WDR4: variants seen among roughly 807,000 people sequenced by gnomAD.
WDR4 encodes the protein WDR4 tRNA N7-guanosine methyltransferase non-catalytic subunit.
A neutral mutation model predicts 48.6 loss-of-function variants in WDR4; 47 were observed. The ratio of observed to expected loss-of-function variants is 0.97; its 90% confidence interval spans 0.77 to 1.23. The LOEUF (loss-of-function observed/expected upper bound fraction) is 1.23, where lower values mean the gene tolerates loss of function less well. Ranked by LOEUF, WDR4 falls within the 50% of genes most tolerant of loss-of-function variation. The pLI, the probability that WDR4 is intolerant of heterozygous loss-of-function variation, is 0.00. For missense variants in WDR4, 606 were observed against 551.6 expected (o/e 1.10, Z -0.99); for synonymous variants, 268 against 230.0 (o/e 1.17, Z -1.49).
At chr21:42,843,631 T>C (rs2057685525) in intron 11 of WDR4, among the ~76,000 whole-genome samples, 1 of 151,922 alleles carries the variant, frequency 6.6e-6, no homozygotes, top group Admixed American at 6.6e-5. Context: ...TGGAGTACAG[T>C]GGCGCGATCT....
At chr21:42,864,032 G>A (rs7280082) in intron 3 of WDR4, among the ~76,000 whole-genome samples, 8,802 of 60,222 alleles carry the variant, frequency 0.15, 2,293 homozygotes, top group African/African-American at 0.3. Context: ...GCGTGAACCC[G>A]GGAGGCGGAG....
At chr21:42,876,287 C>G (rs538585655) in intron 2 of WDR4, among the ~76,000 whole-genome samples, 7 of 146,558 alleles carry the variant, frequency 4.8e-5, no homozygotes, top group Non-Finnish European at 1.0e-4. Flanking sequence ...AATCTCAGCT[C>G]TCTGCAACCT....
chr21:42,859,923 CG>C (rs2058077967), intron 5 of WDR4, among the ~76,000 whole-genome samples: 1 of 152,110 alleles, frequency 6.6e-6, no homozygotes, highest in African/African-American at 2.4e-5. Context: ...TGGACGCAGT[CG>C]GGGAGGTGAG....
chr21:42,868,755 G>T (rs529925050), intron 3 of WDR4, among the ~76,000 whole-genome samples: 2 of 152,240 alleles, frequency 1.3e-5, no homozygotes, highest in Non-Finnish European at 2.9e-5. Flanking sequence ...CACCCCCACA[G>T]CATGTGATCA....
downstream of WDR4, among the ~76,000 whole-genome samples, chr21:42,844,849 C>T (rs1050957938): frequency 2.6e-5 from 4 of 152,190 alleles, no homozygotes; most frequent in Non-Finnish European, 1.5e-5. Flanking sequence ...CACTGAGAGC[C>T]CCCGCCCCCA....
chr21:42,851,837 C>T (rs76269659), intron 10 of WDR4, among the ~76,000 whole-genome samples: 1 of 152,142 alleles, frequency 6.6e-6, no homozygotes, highest in African/African-American at 2.4e-5. Context: ...TCTGGCTAGA[C>T]CCCCACTAAA....
intron 3 of WDR4, among the ~76,000 whole-genome samples, chr21:42,870,513 C>T (rs1388409319): frequency 2.0e-5 from 3 of 152,136 alleles, no homozygotes; most frequent in South Asian, 2.1e-4. Flanking sequence ...CCAGGCCAGG[C>T]GCAGTGGCTC....
At chr21:42,874,768 TGATAA>T (rs888285848) in intron 2 of WDR4, among the ~76,000 whole-genome samples, 15 of 152,286 alleles carry the variant, frequency 9.8e-5, no homozygotes, top group African/African-American at 3.4e-4. Flanking sequence ...CCCTGTCTCC[TGATAA>T]GATGTTATCA....
chr21:42,863,579 C>T lies in WDR4; in HGVS notation c.314G>A (p.Cys105Tyr). The T allele has an allele frequency of 6.2e-7, 1 of 1,613,824 alleles. No homozygotes were observed. Among genetic ancestry groups the T allele is most frequent in the Non-Finnish European group, 8.5e-7 (1 of 1,179,890 alleles). ...CLSVRTVARR[C>Y]TALTFIASEE... is the part of the protein sequence containing the mutation. ...CGAGGCTATGAAAGTCAGGGCTGTA[C>T]ACCTCCTTGCCACGGTCCTAGAAGG... The change falls in exon 4 of 11, where the codon TGT becomes TAT. Residue 105 changes from cysteine to tyrosine, a missense_variant. Physicochemically the swap from Cys to Tyr is radical, Grantham distance 194. Coordinates refer to ENST00000398208, the MANE Select transcript of WDR4 (RefSeq NM_018669.6).
chr21:42,849,984 A>C lies in WDR4; in HGVS notation c.*65T>G, dbSNP rs2057776606. The C allele has an allele frequency of 6.3e-7, 1 of 1,590,914 alleles. No individual in the cohort carries two copies. The highest frequency in any genetic ancestry group is 1.4e-5 in the African/African-American group (1 of 73,514). On this transcript the variant is annotated 3_prime_UTR_variant, in exon 11 of 11. Coordinates refer to ENST00000398208, the MANE Select transcript of WDR4 (RefSeq NM_018669.6). ...TTCCTTCTTGAAGGGACATGCCAGG[A>C]TGCAGGGGAACAAGTTAAAAAGCTT...
upstream of WDR4, among the ~76,000 whole-genome samples, chr21:42,882,218 C>T (rs552776929): frequency 1.0e-4 from 15 of 147,074 alleles, no homozygotes; most frequent in South Asian, 3.4e-3. Context: ...TTTTATAAAT[C>T]ATTGATTACA....
chr21:42,869,449 T>G (rs1292736418), intron 3 of WDR4, among the ~76,000 whole-genome samples: 3 of 152,080 alleles, frequency 2.0e-5, no homozygotes, highest in Non-Finnish European at 4.4e-5. Flanking sequence ...GCTTTGAAGT[T>G]TTGTCAGCTA....
In WDR4 at chr21:42,862,100, C is replaced by T. The variant is rs558640869; in HGVS notation, c.566+182G>A. On this transcript the variant is annotated intron_variant, in intron 5 of 10. Coordinates refer to ENST00000398208, the MANE Select transcript of WDR4 (RefSeq NM_018669.6). This position sits in a 1 kb window ranked among gnomAD's most constrained non-coding sequence, Gnocchi z 4.3. Reference sequence around the variant, plus strand: ...CTCCGGGTAACAGCGCAGAGTGAACCCCACCCTTTCAGGGCTTCTGCAGGC... The same window carrying T: ...CTCCGGGTAACAGCGCAGAGTGAACTCCACCCTTTCAGGGCTTCTGCAGGC... 6.6e-6 allele frequency among the ~76,000 whole-genome samples: 1 copy of T among 152,298 alleles called. No individual in the cohort carries two copies. Among genetic ancestry groups the T allele is most frequent in the African/African-American group, 2.4e-5 (1 of 41,558 alleles).
At chr21:42,845,626 A>G (rs1435986034), downstream of WDR4, among the ~76,000 whole-genome samples, 3 of 152,216 alleles carry the variant, frequency 2.0e-5, no homozygotes, top group Admixed American at 6.5e-5. Flanking sequence ...GGCTCCCTGC[A>G]AAACTCCACA....
At chr21:42,868,421 G>A (rs2058297338) in intron 3 of WDR4, among the ~76,000 whole-genome samples, 1 of 152,160 alleles carries the variant, frequency 6.6e-6, no homozygotes, top group Admixed American at 6.5e-5. Flanking sequence ...ACTTGAAAGA[G>A]TCAGCGTCTT....
chr21:42,848,463 G>A (rs573151969), downstream of WDR4, among the ~76,000 whole-genome samples: 13 of 91,562 alleles, frequency 1.4e-4, no homozygotes, highest in African/African-American at 5.8e-4. Flanking sequence ...CACAGCGCAC[G>A]ATCACGCGGC....
intron 3 of WDR4, among the ~76,000 whole-genome samples, chr21:42,869,575 TGGGAGATG>T (rs753565617): frequency 1.4e-4 from 22 of 152,166 alleles, no homozygotes; most frequent in Non-Finnish European, 2.8e-4. Flanking sequence ...AGCCACACTT[TGGGAGATG>T]GGCTTATTTT....
chr21:42,859,757 G>A, intron 5 of WDR4, 35 bp from the exon 6 acceptor site: 2 of 1,551,786 alleles, frequency 1.3e-6, no homozygotes, highest in Non-Finnish European at 1.7e-6. Flanking sequence ...GAGTCAGCGA[G>A]CCCAGCGCCC....
At chr21:42,891,510 G>A in the WDR4 span, among the ~76,000 whole-genome samples, 1 of 152,084 alleles carries the variant, frequency 6.6e-6, no homozygotes, top group African/African-American at 2.4e-5. Flanking sequence ...TGGAAGTGGG[G>A]AGCTCCAGGT....
Sources: allele counts gnomAD v4.1 joint callset (sites outside exome capture counted in the v4.1 genomes callset), GRCh38; gene constraint gnomAD v4.1.1; non-coding constraint Gnocchi (gnomAD v3.1); transcripts MANE v1.5; gene names NCBI Gene and HGNC (gene_info 2026-07-23, HGNC 2026-07-21).